The following KAZN variants were observed in gnomAD, a reference collection of about 807,000 sequenced individuals.
The protein encoded by KAZN is kazrin, periplakin interacting protein.
In KAZN, 40 loss-of-function variants were observed where a neutral mutation model predicts 87.4. The observed-to-expected ratio is 0.46, with a 90% CI of 0.36 to 0.60. The LOEUF (loss-of-function observed/expected upper bound fraction) is 0.60. Among genes scored for constraint, KAZN ranks in the 20% least tolerant of loss-of-function variants. KAZN has a pLI of 0.00. For missense variants in KAZN, 898 were observed against 1,073.9 expected (o/e 0.84, Z 2.29); for synonymous variants, 466 against 458.3 (o/e 1.02, Z -0.22).
chr1:14,789,616 G>C (rs1377156003), intron 1 of KAZN, among the ~76,000 whole-genome samples: 2 of 151,866 alleles, frequency 1.3e-5, no homozygotes, highest in African/African-American at 2.4e-5. Context: ...GATGGGACCT[G>C]GTCCCCCTTT....
At chr1:13,903,915 T>A (rs915480950) in intron 1 of KAZN, among the ~76,000 whole-genome samples, 2 of 152,012 alleles carry the variant, frequency 1.3e-5, no homozygotes, top group African/African-American at 4.8e-5. Flanking sequence ...TCCCTCTGAG[T>A]CCCTGGGTGA....
At chr1:14,892,571 G>C (rs567745749) in intron 1 of KAZN, among the ~76,000 whole-genome samples, 3 of 152,150 alleles carry the variant, frequency 2.0e-5, no homozygotes, top group Admixed American at 2.0e-4. Context: ...GGTCTGCAAA[G>C]GACAGAGTGG....
At chr1:14,018,827 C>T (rs530700706) in intron 1 of KAZN, among the ~76,000 whole-genome samples, 6 of 152,286 alleles carry the variant, frequency 3.9e-5, no homozygotes, top group South Asian at 2.1e-4. Context: ...CTTTCAGTCT[C>T]GGACTAAGAA....
chr1:15,067,256 C>T (rs996483636), intron 8 of KAZN: 3 of 985,422 alleles, frequency 3.0e-6, no homozygotes, highest in Admixed American at 6.1e-5. Context: ...GTTCCATCAG[C>T]CACACTTAGA....
At chr1:15,095,236 G>A (rs943310290) in intron 10 of KAZN, among the ~76,000 whole-genome samples, 2 of 152,154 alleles carry the variant, frequency 1.3e-5, no homozygotes, top group Non-Finnish European at 2.9e-5. Context: ...TCTGCCTTCC[G>A]GGACCAGCCC....
intron 1 of KAZN, among the ~76,000 whole-genome samples, chr1:14,022,819 C>A (rs577553274): frequency 6.6e-6 from 1 of 152,084 alleles, no homozygotes; most frequent in Non-Finnish European, 1.5e-5. Context: ...TGAAAGAGAG[C>A]TAGGTGGGGT....
At chr1:14,924,508 G>A in intron 1 of KAZN, 6 of 1,001,576 alleles carry the variant, frequency 6.0e-6, no homozygotes, top group Non-Finnish European at 7.1e-6. Flanking sequence ...ACGCGGCGGG[G>A]CCCGGCGATC....
At chr1:13,906,102 C>T (rs1178391980) in intron 1 of KAZN, among the ~76,000 whole-genome samples, 1 of 152,206 alleles carries the variant, frequency 6.6e-6, no homozygotes, top group East Asian at 1.9e-4. Flanking sequence ...AGATTCTTAG[C>T]TTCAATCACA....
intron 2 of KAZN, among the ~76,000 whole-genome samples, chr1:14,984,954 G>A (rs1666624254): frequency 6.6e-6 from 1 of 151,830 alleles, no homozygotes; most frequent in African/African-American, 2.4e-5. Flanking sequence ...TGGCCAATAT[G>A]ATGAAACCTC....
At chr1:14,448,087 C>A (rs1667082885) in intron 2 of KAZN, among the ~76,000 whole-genome samples, 2 of 152,228 alleles carry the variant, frequency 1.3e-5, no homozygotes, top group Non-Finnish European at 2.9e-5. Context: ...TTGTTCTCAA[C>A]AAGCCCTGGT....
rs542913986 is a variant in KAZN, at chr1:14,338,200, G to A, written c.249+157608G>A. Among the ~76,000 whole-genome samples the A allele has an allele frequency of 3.9e-5, 6 of 152,116 alleles. No homozygotes were observed. The South Asian group carries it at 6.2e-4, about 16-fold the overall frequency. ...TTAAGAACATGTGAACAGGCTGGGC[G>A]CAATGGCTCACACCTGTAATCCCAA... On this transcript the variant is annotated intron_variant, in intron 2 of 16. Coordinates refer to the KAZN transcript ENST00000636203.
At chr1:14,897,004 T>C (rs1276870423) in intron 1 of KAZN, among the ~76,000 whole-genome samples, 1 of 152,158 alleles carries the variant, frequency 6.6e-6, no homozygotes, top group Non-Finnish European at 1.5e-5. Flanking sequence ...CAAGCCCAGC[T>C]GGCATAAAAA....
intron 1 of KAZN, among the ~76,000 whole-genome samples, chr1:13,946,312 G>C (rs929785652): frequency 6.6e-6 from 1 of 152,086 alleles, no homozygotes; most frequent in Non-Finnish European, 1.5e-5. Context: ...GCATAGAGGC[G>C]AAGAGTTGCG....
At position 14,287,822 on chromosome 1, in the gene KAZN, T is replaced by C. The variant is rs1653371984; in HGVS notation, c.249+107230T>C. On this transcript the variant is annotated intron_variant, in intron 2 of 16. Coordinates refer to the KAZN transcript ENST00000636203. ...TATGATATTGGCTGTGGGTTTGTCA[T>C]AAATAGTTCTTCTTATTTTGAGATA... Among the ~76,000 whole-genome samples, 3 of 152,352 alleles carry C rather than the reference T, an allele frequency of 2.0e-5. No individual in the cohort carries two copies. The South Asian group carries it at 6.2e-4, about 32-fold the overall frequency.
chr1:14,254,592 C>T (rs976536685), intron 2 of KAZN, among the ~76,000 whole-genome samples: 1 of 152,058 alleles, frequency 6.6e-6, no homozygotes, highest in Non-Finnish European at 1.5e-5. Context: ...TTATGATGTC[C>T]GCCCAGAATT....
At chr1:14,118,536 A>G (rs528759597) in intron 1 of KAZN, among the ~76,000 whole-genome samples, 21 of 152,348 alleles carry the variant, frequency 1.4e-4, no homozygotes, top group African/African-American at 3.8e-4. Flanking sequence ...GAAAAAACAA[A>G]ACCCAAGGCC....
intron 1 of KAZN, among the ~76,000 whole-genome samples, chr1:14,699,876 C>T (rs967214563): frequency 5.3e-5 from 8 of 152,194 alleles, no homozygotes; most frequent in African/African-American, 1.9e-4. Flanking sequence ...GAGATGTGCA[C>T]AGTCAGCTCT....
At chr1:14,734,870 G>C (rs1643846406) in intron 1 of KAZN, among the ~76,000 whole-genome samples, 2 of 152,208 alleles carry the variant, frequency 1.3e-5, no homozygotes. Flanking sequence ...CTCACTGTCT[G>C]AGGTTTGAGG....
At chr1:14,970,405 C>G (rs1417065748) in intron 2 of KAZN, among the ~76,000 whole-genome samples, 1 of 152,240 alleles carries the variant, frequency 6.6e-6, no homozygotes, top group Non-Finnish European at 1.5e-5. Flanking sequence ...CACAGAGATC[C>G]TTTTAAATAG....
Sources: gnomAD v4.1 joint callset for allele counts (sites outside exome capture counted in the v4.1 genomes callset) on GRCh38, gnomAD v4.1.1 for gene constraint, MANE v1.5 for transcripts, NCBI Gene and HGNC (gene_info 2026-07-23, HGNC 2026-07-21) for gene names.